FBN1: variants seen among roughly 807,000 people sequenced by gnomAD.
The protein encoded by FBN1 is fibrillin-1.
Under a neutral mutation model 365.1 loss-of-function variants are expected in FBN1, and 29 were observed. That is an observed-to-expected ratio of 0.08 (90% CI 0.06 to 0.11). The LOEUF (loss-of-function observed/expected upper bound fraction) is 0.11. Ranked by LOEUF, FBN1 falls within the 10% of genes least tolerant of loss-of-function variation. The pLI, the probability that FBN1 is intolerant of heterozygous loss-of-function variation, is 1.00. For synonymous variants in FBN1, 1,210 were observed against 1,270.5 expected, an observed-to-expected ratio of 0.95 and a Z score of 1.01; for missense variants, 2,476 against 3,703.2, an observed-to-expected ratio of 0.67 and a Z score of 8.60.
At chr15:48,639,642 A>G (rs1475661702) in intron 2 of FBN1, among the ~76,000 whole-genome samples, 2 of 152,188 alleles carry the variant, frequency 1.3e-5, no homozygotes, top group Non-Finnish European at 2.9e-5. Context: ...CTTGTCTTCA[A>G]TGATTTAACT....
chr15:48,437,170 C>T, intron 52 of FBN1, 93 bp from the exon 53 acceptor site: 1 of 1,129,312 alleles, frequency 8.9e-7, no homozygotes, highest in East Asian at 2.4e-5. Context: ...AAAAGATTAT[C>T]TAATAATGCA....
intron 22 of FBN1, 73 bp from the exon 23 acceptor site, chr15:48,494,327 A>G (rs2043585494): frequency 1.8e-6 from 2 of 1,125,032 alleles, no homozygotes; most frequent in South Asian, 1.2e-5. Context: ...CAGTTCTGAC[A>G]TAGTGTAAGA....
intron 56 of FBN1, among the ~76,000 whole-genome samples, chr15:48,429,501 G>C (rs1389816556): frequency 6.6e-6 from 1 of 152,134 alleles, no homozygotes; most frequent in Non-Finnish European, 1.5e-5. Context: ...AATAGTTCAG[G>C]GTCCCTCAGA....
Position 48,493,008 on chromosome 15 carries a change from T to A in FBN1, c.2729-422A>T, listed in dbSNP as rs117105236. Among the ~76,000 whole-genome samples, 781 of 152,264 alleles carry A rather than the reference T, an allele frequency of 5.1e-3. 1 individual carries two copies. Among genetic ancestry groups the A allele is most frequent in the South Asian group, 0.011 (52 of 4,828 alleles). On this transcript the variant is annotated intron_variant, in intron 23 of 65. Coordinates refer to ENST00000316623, the MANE Select transcript of FBN1 (RefSeq NM_000138.5). ...GCTTGAAGTTCAGCATAGAAAAATATCCCACCAAGGAATATGTGGGCCAGT... is the reference window on the plus strand; with the variant it reads ...GCTTGAAGTTCAGCATAGAAAAATAACCCACCAAGGAATATGTGGGCCAGT...
intron 9 of FBN1, among the ~76,000 whole-genome samples, chr15:48,524,474 C>T (rs1266658540): frequency 6.6e-6 from 1 of 152,174 alleles, no homozygotes; most frequent in East Asian, 1.9e-4. Context: ...TTTTGGGGGT[C>T]TCTGTTGCTT....
At chr15:48,520,236 G>GA (rs1038727407) in intron 10 of FBN1, among the ~76,000 whole-genome samples, 130 of 145,326 alleles carry the variant, frequency 8.9e-4, no homozygotes, top group Admixed American at 1.4e-3. Context: ...TACTGTGAAG[G>GA]AAAAAAAAAA....
intron 18 of FBN1, 125 bp from the exon 19 acceptor site, chr15:48,497,516 C>T: frequency 1.2e-6 from 1 of 862,078 alleles, no homozygotes; most frequent in Non-Finnish European, 1.8e-6. Context: ...AAATCGATTT[C>T]ACTGGAAAGA....
intron 50 of FBN1, among the ~76,000 whole-genome samples, chr15:48,440,999 C>T (rs1013287698): frequency 1.8e-4 from 28 of 151,834 alleles, no homozygotes; most frequent in Admixed American, 1.4e-3. Flanking sequence ...TTTGTTTCAT[C>T]TCCCTTCCCC....
rs1566888235 is a variant in FBN1, at chr15:48,410,078, T to C, written c.*912A>G. 6.6e-6 allele frequency: 1 copy of C among 152,262 alleles called. No homozygotes were observed. The highest frequency in any genetic ancestry group is 2.4e-5 in the African/African-American group (1 of 41,340). The allele number at this position is 152,262 out of a possible 1,614,324, so 9.4% of individuals were successfully genotyped here. ...AAGAACACAAAGCCAAGGGGTAAAC[T>C]AAAAAAAAGAAGAGATTGTTTTATT... On this transcript the variant is annotated 3_prime_UTR_variant, in exon 66 of 66. Transcript: ENST00000316623.
chr15:48,535,056 G>A (rs1371112229), intron 7 of FBN1, among the ~76,000 whole-genome samples: 2 of 152,172 alleles, frequency 1.3e-5, no homozygotes, highest in Non-Finnish European at 2.9e-5. Flanking sequence ...ACCTGCCACA[G>A]AGCTCTGTAA....
chr15:48,596,435 A>C (rs1003492340), intron 5 of FBN1, 57 bp from the exon 6 acceptor site: 2 of 1,501,292 alleles, frequency 1.3e-6, no homozygotes, highest in African/African-American at 2.7e-5. Flanking sequence ...CTAATGAAGT[A>C]ACACTTGTGG....
intron 17 of FBN1, among the ~76,000 whole-genome samples, chr15:48,503,254 G>A (rs1462534624): frequency 7.1e-6 from 1 of 141,750 alleles, no homozygotes; most frequent in Non-Finnish European, 1.5e-5. Context: ...CTGAGATCGC[G>A]CCACTGCACT....
chr15:48,478,626 G>C (rs1383103209), intron 32 of FBN1, among the ~76,000 whole-genome samples: 1 of 152,156 alleles, frequency 6.6e-6, no homozygotes, highest in Non-Finnish European at 1.5e-5. Flanking sequence ...TTGGGTCATA[G>C]AAAAATTGTA....
chr15:48,639,484 G>C (rs1193703873), intron 2 of FBN1, among the ~76,000 whole-genome samples: 1 of 152,296 alleles, frequency 6.6e-6, no homozygotes, highest in South Asian at 2.1e-4. Flanking sequence ...CACGGTTCCT[G>C]AAGTACCCCC....
chr15:48,479,337 G>C (rs1354942767), intron 32 of FBN1, among the ~76,000 whole-genome samples: 1 of 152,180 alleles, frequency 6.6e-6, no homozygotes, highest in East Asian at 1.9e-4. Flanking sequence ...GGTCAGGGCT[G>C]TTACTTACCC....
rs866671673 is a variant in FBN1 at position 48,633,840 on chromosome 15, C to T, written c.164+10766G>A. Among the ~76,000 whole-genome samples, 171 of 152,322 alleles carry T rather than the reference C, an allele frequency of 1.1e-3. 2 individuals are homozygous for T. The highest frequency in any genetic ancestry group is 3.8e-3 in the African/African-American group (159 of 41,566). Reference sequence around the variant, plus strand: ...AGAGGCCCAATCTATTACCCAACAACGCGCCTCTTAGGTCAGCTCTCGCTA... The same window carrying T: ...AGAGGCCCAATCTATTACCCAACAATGCGCCTCTTAGGTCAGCTCTCGCTA... On this transcript the variant is annotated intron_variant, in intron 2 of 65. Transcript: ENST00000316623.
intron 27 of FBN1, 50 bp from the exon 28 acceptor site, chr15:48,487,487 C>A (rs367994274): frequency 1.2e-6 from 2 of 1,608,024 alleles, no homozygotes; most frequent in South Asian, 2.2e-5. Flanking sequence ...ATCTCCTCCA[C>A]CAGACCAAGC....
intron 44 of FBN1, among the ~76,000 whole-genome samples, chr15:48,453,501 G>A (rs113868778): frequency 0.018 from 2,801 of 152,214 alleles, 32 homozygotes; most frequent in Non-Finnish European, 0.022. Flanking sequence ...GGGGAGATTA[G>A]GGGATACACA....
At chr15:48,509,972 G>T in intron 14 of FBN1, 72 bp downstream of exon 14, 1 of 1,480,938 alleles carries the variant, frequency 6.8e-7, no homozygotes, top group Non-Finnish European at 9.4e-7. Flanking sequence ...CTCATTATTT[G>T]GTCTTGTTAA....
Sources: allele counts gnomAD v4.1 joint callset (sites outside exome capture counted in the v4.1 genomes callset), GRCh38; gene constraint gnomAD v4.1.1; transcripts MANE v1.5; gene names NCBI Gene and HGNC (gene_info 2026-07-23, HGNC 2026-07-21).